The following DIP2C variants were observed in gnomAD, a reference collection of about 807,000 sequenced individuals.
DIP2C encodes disco-interacting protein 2 homolog C.
A neutral mutation model predicts 192.4 loss-of-function variants in DIP2C; 33 were observed. That is an observed-to-expected ratio of 0.17 (90% CI 0.13 to 0.23). The LOEUF is 0.23. DIP2C is among the 10% of genes least tolerant of loss of function. The pLI, the probability that DIP2C is intolerant of heterozygous loss-of-function variation, is 1.00. For synonymous variants in DIP2C, 979 were observed against 864.1 expected, an observed-to-expected ratio of 1.13 and a Z score of -2.33; for missense variants, 1,537 against 2,110.1, an observed-to-expected ratio of 0.73 and a Z score of 5.32.
intron 29 of DIP2C, among the ~76,000 whole-genome samples, chr10:335,419 C>T (rs1374002169): frequency 6.6e-6 from 1 of 152,222 alleles, no homozygotes; most frequent in African/African-American, 2.4e-5. Context: ...TTCCTCCTGT[C>T]CCAGCTCAGA....
intron 1 of DIP2C, among the ~76,000 whole-genome samples, chr10:590,383 A>G (rs562717685): frequency 8.9e-4 from 136 of 152,370 alleles, no homozygotes; most frequent in Non-Finnish European, 1.5e-3. Context: ...GAAAGGCTAA[A>G]TGACTAACGC....
chr10:564,683 A>T (rs191190441), intron 1 of DIP2C, among the ~76,000 whole-genome samples: 1 of 152,116 alleles, frequency 6.6e-6, no homozygotes, highest in Non-Finnish European at 1.5e-5. Context: ...TTCTGTGAGG[A>T]CTCAATGAGC....
chr10:284,661 A>G (rs1955004844), intron 34 of DIP2C, among the ~76,000 whole-genome samples: 1 of 152,222 alleles, frequency 6.6e-6, no homozygotes, highest in African/African-American at 2.4e-5. Context: ...TTATGGGGAG[A>G]AAATGTAGTG....
chr10:467,579 AAAG>A (rs1306770259), intron 3 of DIP2C, among the ~76,000 whole-genome samples: 1 of 151,038 alleles, frequency 6.6e-6, no homozygotes, highest in African/African-American at 2.4e-5. Context: ...AAAAAAAAAA[AAAG>A]AAAATGTGGC....
chr10:281,722 G>A (rs979202686), intron 35 of DIP2C, among the ~76,000 whole-genome samples: 2 of 152,238 alleles, frequency 1.3e-5, no homozygotes, highest in Non-Finnish European at 2.9e-5. Context: ...ACGGGATACA[G>A]TGCAGCCACA....
intron 1 of DIP2C, among the ~76,000 whole-genome samples, chr10:643,517 A>AAAAAAC (rs961352056): frequency 2.6e-5 from 4 of 152,174 alleles, no homozygotes; most frequent in Non-Finnish European, 5.9e-5. Flanking sequence ...CCATCTCAAA[A>AAAAAAC]AAAAACAAAA....
chr10:390,709 C>A (rs775065496), intron 11 of DIP2C, 31 bp downstream of exon 11: 8 of 1,604,580 alleles, frequency 5.0e-6, no homozygotes, highest in Non-Finnish European at 6.0e-6. Flanking sequence ...AGGACGTGGG[C>A]ATGCGAGCTC....
At chr10:589,282 A>T (rs1851266431) in intron 1 of DIP2C, among the ~76,000 whole-genome samples, 1 of 152,130 alleles carries the variant, frequency 6.6e-6, no homozygotes, top group Non-Finnish European at 1.5e-5. Flanking sequence ...GTCTGCAGAA[A>T]ATGTGTCTCT....
chr10:388,085 TC>T lies in DIP2C; in HGVS notation c.1598-277del, dbSNP rs201802794. On this transcript the variant is annotated intron_variant, in intron 13 of 36. Transcript: ENST00000280886. ...AGCGTTCCTTCTCCTTTTATATATT[TC>T]CCCCTCTCTGCCTTTTTCTTTAAAA... 3.6e-3 allele frequency among the ~76,000 whole-genome samples: 542 copies of T among 151,958 alleles called. 1 individual carries two copies. The highest frequency in any genetic ancestry group is 0.013 in the East Asian group (69 of 5,172).
intron 32 of DIP2C, among the ~76,000 whole-genome samples, chr10:301,008 G>A (rs903898466): frequency 1.3e-5 from 2 of 152,198 alleles, no homozygotes; most frequent in Non-Finnish European, 2.9e-5. Context: ...AACTATCAGT[G>A]TGTAGTCCCT....
chr10:643,713 GC>G (rs1855317953), intron 1 of DIP2C, among the ~76,000 whole-genome samples: 1 of 152,190 alleles, frequency 6.6e-6, no homozygotes, highest in African/African-American at 2.4e-5. Context: ...CAGGCACTGG[GC>G]CCCCACAATG....
chr10:545,166 C>CTTTT (rs60185327), intron 1 of DIP2C, among the ~76,000 whole-genome samples: 2,597 of 86,202 alleles, frequency 0.03, 50 homozygotes, highest in African/African-American at 0.048. Context: ...GGTGTTTTCC[C>CTTTT]TTTTTTTTTT....
intron 1 of DIP2C, among the ~76,000 whole-genome samples, chr10:589,393 G>C (rs1201206884): frequency 6.6e-6 from 1 of 152,160 alleles, no homozygotes; most frequent in Non-Finnish European, 1.5e-5. Context: ...ATGGCTAAGA[G>C]CTCTAACCCT....
At chr10:353,876 T>C (rs913641889) in intron 24 of DIP2C, among the ~76,000 whole-genome samples, 5 of 152,234 alleles carry the variant, frequency 3.3e-5, no homozygotes, top group Non-Finnish European at 7.3e-5. Flanking sequence ...ATCTTGCTTT[T>C]AGAAAATGCA....
chr10:537,585 T>C (rs1364363207), intron 1 of DIP2C, among the ~76,000 whole-genome samples: 8 of 150,734 alleles, frequency 5.3e-5, no homozygotes, highest in African/African-American at 1.7e-4. Flanking sequence ...CCCGCACACT[T>C]GTGCCCAGGG....
At chr10:475,338 T>C (rs971683910) in intron 2 of DIP2C, among the ~76,000 whole-genome samples, 1 of 152,240 alleles carries the variant, frequency 6.6e-6, no homozygotes, top group Admixed American at 6.5e-5. Flanking sequence ...ATATAGTCAC[T>C]GACAGCACAG....
chr10:581,860 G>A (rs185806666), intron 1 of DIP2C, among the ~76,000 whole-genome samples: 2 of 152,236 alleles, frequency 1.3e-5, no homozygotes, highest in African/African-American at 4.8e-5. Flanking sequence ...TGACATCTTA[G>A]CACATGTTAG....
intron 13 of DIP2C, among the ~76,000 whole-genome samples, chr10:388,775 G>A (rs779902714): frequency 2.2e-4 from 34 of 152,220 alleles, no homozygotes; most frequent in Non-Finnish European, 4.1e-4. Context: ...ATTCCACAGC[G>A]GAGCGGCAGA....
chr10:546,958 C>A (rs1848315868), intron 1 of DIP2C, among the ~76,000 whole-genome samples: 1 of 152,210 alleles, frequency 6.6e-6, no homozygotes, highest in Non-Finnish European at 1.5e-5. Context: ...TCAGGCCACA[C>A]CTGCAAATAC....
Sources: allele counts gnomAD v4.1 joint callset (sites outside exome capture counted in the v4.1 genomes callset), GRCh38; gene constraint gnomAD v4.1.1; transcripts MANE v1.5; gene names NCBI Gene and HGNC (gene_info 2026-07-23, HGNC 2026-07-21).